Variants in MCMDC2 observed in about 807,000 individuals in gnomAD.
MCMDC2 encodes minichromosome maintenance domain containing 2.
A neutral mutation model predicts 75.8 loss-of-function variants in MCMDC2; 54 were observed. That is an observed-to-expected ratio of 0.71 (90% CI 0.57 to 0.89). The LOEUF is 0.89. Among genes scored for constraint, MCMDC2 ranks in the 40% least tolerant of loss-of-function variants. The pLI is 0.00. For missense variants in MCMDC2, 656 were observed against 780.4 expected (o/e 0.84, Z 1.90); for synonymous variants, 249 against 274.6 (o/e 0.91, Z 0.92).
chr8:66,874,288 A>G (rs370383451), intron 2 of MCMDC2, 38 bp from the exon 3 acceptor site: 55 of 1,607,162 alleles, frequency 3.4e-5, no homozygotes, highest in Non-Finnish European at 4.2e-5. Flanking sequence ...ACTCCTACAC[A>G]TAGCTATCCT....
chr8:66,925,698 C>G (rs1813700355), downstream of MCMDC2: 1 of 152,380 alleles, frequency 6.6e-6, no homozygotes, highest in Admixed American at 6.5e-5. Flanking sequence ...GCCCTCTTCC[C>G]TGGTTGCGCG....
rs762641173 is a variant in MCMDC2 at position 66,886,774 on chromosome 8, C to CA, written c.1073+2795dup. Among the ~76,000 whole-genome samples the CA allele has an allele frequency of 1.7e-3, 182 of 105,126 alleles. 1 individual carries two copies. The highest frequency in any genetic ancestry group is 2.7e-3 in the Admixed American group (26 of 9,780). The allele number at this position is 105,126 out of a possible 152,430, so 69.0% of individuals were successfully genotyped here. ...TGGGCAACAGAGCAAGACTCAGTCT[C>CA]AAAAAAAAAAAAAAAGAAAGAAAGA... On this transcript the variant is annotated intron_variant, in intron 9 of 14. Coordinates refer to ENST00000422365, the MANE Select transcript of MCMDC2 (RefSeq NM_173518.5).
intron 10 of MCMDC2, among the ~76,000 whole-genome samples, chr8:66,894,468 G>A (rs912679472): frequency 1.3e-5 from 2 of 152,216 alleles, no homozygotes; most frequent in Non-Finnish European, 2.9e-5. Flanking sequence ...TAAGCTGAAG[G>A]TAGAGAGTGT....
chr8:66,905,940 G>A (rs1462529042), intron 14 of MCMDC2, among the ~76,000 whole-genome samples: 1 of 151,738 alleles, frequency 6.6e-6, no homozygotes, highest in Non-Finnish European at 1.5e-5. Flanking sequence ...GGGAGGTGGA[G>A]GTTGCAGTGA....
rs1167596802 is a variant in MCMDC2, at chr8:66,921,142, TAA to T, written c.*1974_*1975del. ...TTCACCACAAAAAAATTAAAATGTT[TAA>T]GTTTCTCATTAAAGAGTAGAAGTGT... On this transcript the variant is annotated 3_prime_UTR_variant, in exon 15 of 15. Transcript: ENST00000422365. The T allele has an allele frequency of 2.0e-5, 3 of 152,198 alleles. No homozygotes were observed. The highest frequency in any genetic ancestry group is 4.4e-5 in the Non-Finnish European group (3 of 68,022). 9.4% of individuals were successfully genotyped at this position (152,198 alleles called of 1,614,324 possible). A position where few individuals can be genotyped will look rare whatever the true frequency, so the allele number is the denominator to read the frequency against.
chr8:66,878,718 T>C (rs2130797584), intron 6 of MCMDC2, 22 bp downstream of exon 6: 1 of 1,525,338 alleles, frequency 6.6e-7, no homozygotes. Flanking sequence ...TTATATTTTG[T>C]AATTATAATT....
chr8:66,917,404 G>T (rs1384995338), intron 14 of MCMDC2, among the ~76,000 whole-genome samples: 1 of 152,152 alleles, frequency 6.6e-6, no homozygotes, highest in Non-Finnish European at 1.5e-5. Context: ...TTTTTAAATT[G>T]AAGTAAAATA....
intron 1 of MCMDC2, among the ~76,000 whole-genome samples, 155 bp from the exon 2 acceptor site, chr8:66,873,895 AAAG>A (rs1370793754): frequency 6.6e-6 from 1 of 152,112 alleles, no homozygotes; most frequent in African/African-American, 2.4e-5. Context: ...TCAAAAAAAA[AAAG>A]AAGTTATTTG....
At chr8:66,910,883 A>G (rs1269012227) in intron 14 of MCMDC2, among the ~76,000 whole-genome samples, 1 of 152,060 alleles carries the variant, frequency 6.6e-6, no homozygotes, top group African/African-American at 2.4e-5. Flanking sequence ...ATTTTGGCCA[A>G]TTTCTTCTAT....
chr8:66,909,155 T>G (rs1173619548), intron 14 of MCMDC2, among the ~76,000 whole-genome samples: 1 of 152,210 alleles, frequency 6.6e-6, no homozygotes, highest in East Asian at 1.9e-4. Context: ...TCCTGCTGCC[T>G]TGAAAGAAGG....
chr8:66,882,706 A>G (rs1811645887), intron 8 of MCMDC2, among the ~76,000 whole-genome samples: 1 of 152,322 alleles, frequency 6.6e-6, no homozygotes, highest in East Asian at 1.9e-4. Context: ...GATAATCATC[A>G]GTAGTAATAG....
At chr8:66,914,545 C>T (rs1239068053) in intron 14 of MCMDC2, among the ~76,000 whole-genome samples, 1 of 152,084 alleles carries the variant, frequency 6.6e-6, no homozygotes, top group Non-Finnish European at 1.5e-5. Flanking sequence ...ACATAGTAAG[C>T]CGAGTAAGCA....
chr8:66,885,741 A>G (rs1226176821), intron 9 of MCMDC2, among the ~76,000 whole-genome samples: 1 of 152,120 alleles, frequency 6.6e-6, no homozygotes, highest in African/African-American at 2.4e-5. Context: ...GATATAGAAC[A>G]TTTCTATCAC....
rs996201221 is a variant in MCMDC2, at chr8:66,921,564, A to G, written c.*2395A>G. On this transcript the variant is annotated 3_prime_UTR_variant, in exon 15 of 15. Transcript: ENST00000422365. Reference sequence around the variant, plus strand: ...TTCTTGCCAATTTAGTCCTAGACAGACTGGTCTGCTCAGTCATTTCTCTTA... The same window carrying G: ...TTCTTGCCAATTTAGTCCTAGACAGGCTGGTCTGCTCAGTCATTTCTCTTA... The G allele has an allele frequency of 3.3e-5, 5 of 152,260 alleles. No individual in the cohort carries two copies. The highest frequency in any genetic ancestry group is 3.3e-4 in the Admixed American group (5 of 15,284). The allele number at this position is 152,260 out of a possible 1,614,324, so 9.4% of individuals were successfully genotyped here. A position where few individuals can be genotyped will look rare whatever the true frequency, so the allele number is the denominator to read the frequency against.
chr8:66,892,584 T>C (rs905982113), intron 10 of MCMDC2, among the ~76,000 whole-genome samples: 1 of 151,642 alleles, frequency 6.6e-6, no homozygotes, highest in Non-Finnish European at 1.5e-5. Context: ...GAGTCTGGGG[T>C]TTTTATGGGC....
At chr8:66,881,657 G>A (rs1419505796) in intron 8 of MCMDC2, among the ~76,000 whole-genome samples, 1 of 152,120 alleles carries the variant, frequency 6.6e-6, no homozygotes, top group Admixed American at 6.6e-5. Flanking sequence ...CTGTATTCCA[G>A]CCTGAGTGAT....
downstream of MCMDC2, chr8:66,922,595 ATTAAT>A (rs750981586): frequency 2.0e-6 from 1 of 511,902 alleles, no homozygotes; most frequent in African/African-American, 1.9e-5. Context: ...CATAACTAAC[ATTAAT>A]TAAATTTAGG....
intron 4 of MCMDC2, among the ~76,000 whole-genome samples, chr8:66,876,315 A>G (rs1316696815): frequency 6.6e-6 from 1 of 152,188 alleles, no homozygotes; most frequent in Non-Finnish European, 1.5e-5. Flanking sequence ...GGCAGGGTAA[A>G]TGTTTGATTC....
intron 9 of MCMDC2, among the ~76,000 whole-genome samples, chr8:66,887,155 AG>A (rs1811880798): frequency 1.3e-5 from 2 of 152,134 alleles, no homozygotes; most frequent in African/African-American, 4.8e-5. Flanking sequence ...AATTGTCTAA[AG>A]GTATCTTTGA....
Sources: allele counts gnomAD v4.1 joint callset (sites outside exome capture counted in the v4.1 genomes callset), GRCh38; gene constraint gnomAD v4.1.1; transcripts MANE v1.5; gene names NCBI Gene and HGNC (gene_info 2026-07-23, HGNC 2026-07-21).